The following LRRC41 variants were observed in gnomAD, a reference collection of about 807,000 sequenced individuals.
The protein encoded by LRRC41 is leucine rich repeat containing 41.
LRRC41 carries 17 observed loss-of-function variants against 72.1 expected under a neutral mutation model. The ratio of observed to expected loss-of-function variants is 0.24; its 90% confidence interval spans 0.16 to 0.35. The LOEUF is 0.35. LRRC41 is among the 10% of genes least tolerant of loss of function. LRRC41 has a pLI of 1.00. For missense variants in LRRC41, 759 were observed against 1,065.0 expected (o/e 0.71, Z 4.00); for synonymous variants, 427 against 431.0 (o/e 0.99, Z 0.11).
chr1:46,278,344 C>A lies in LRRC41; in HGVS notation c.*521G>T. The A allele has an allele frequency of 6.7e-7, 1 of 1,498,184 alleles. No individual in the cohort carries two copies. The highest frequency in any genetic ancestry group is 1.2e-5 in the South Asian group (1 of 83,224). The allele number at this position is 1,498,184 out of a possible 1,614,324, so 92.8% of individuals were successfully genotyped here. A position where few individuals can be genotyped will look rare whatever the true frequency, so the allele number is the denominator to read the frequency against. ...AGATAGGGAAAAGGGGCTCCTTGCT[C>A]CACAGGGCCCTGTTGAATTTTGTTC... On this transcript the variant is annotated 3_prime_UTR_variant, in exon 10 of 10. Transcript: ENST00000617190.
At chr1:46,283,389 T>C (rs1383231034) in intron 4 of LRRC41, among the ~76,000 whole-genome samples, 1 of 152,068 alleles carries the variant, frequency 6.6e-6, no homozygotes, top group East Asian at 1.9e-4. Flanking sequence ...GAGGCCGAGG[T>C]TGGTGGATCA....
intron 1 of LRRC41, 64 bp downstream of exon 1, chr1:46,303,060 G>A: frequency 2.3e-6 from 3 of 1,324,502 alleles, no homozygotes; most frequent in Non-Finnish European, 2.9e-6. Flanking sequence ...CGCCCCCCGC[G>A]CCCCCCGGCC....
At chr1:46,287,703 C>T (rs1195683044) in intron 3 of LRRC41, among the ~76,000 whole-genome samples, 2 of 152,094 alleles carry the variant, frequency 1.3e-5, no homozygotes, top group African/African-American at 2.4e-5. Flanking sequence ...AATTAGACTT[C>T]CTGAAAGAAC....
At chr1:46,294,749 C>G (rs930362900) in intron 3 of LRRC41, among the ~76,000 whole-genome samples, 1 of 151,964 alleles carries the variant, frequency 6.6e-6, no homozygotes. Flanking sequence ...CACGTGCCAC[C>G]ACGCCCAGCT....
At chr1:46,292,915 G>A (rs1034780134) in intron 3 of LRRC41, among the ~76,000 whole-genome samples, 3 of 152,196 alleles carry the variant, frequency 2.0e-5, no homozygotes, top group Non-Finnish European at 2.9e-5. Context: ...GCTGGGCACG[G>A]TGGCTCACGC....
intron 3 of LRRC41, among the ~76,000 whole-genome samples, chr1:46,294,045 G>A (rs1393438074): frequency 6.6e-6 from 1 of 152,054 alleles, no homozygotes; most frequent in African/African-American, 2.4e-5. Context: ...ACAGGTGTGA[G>A]CCACCACACC....
In LRRC41 at chr1:46,278,619, C is replaced by T. The variant is rs28363249; in HGVS notation, c.*246G>A. The T allele has an allele frequency of 3.2e-3, 1,945 of 607,364 alleles. 3 individuals carry two copies. The highest frequency in any genetic ancestry group is 4.5e-3 in the Non-Finnish European group (1,546 of 345,756). 37.6% of individuals were successfully genotyped at this position (607,364 alleles called of 1,614,324 possible). The stretch of plus-strand genomic sequence containing the variant: ...CAGCAATTATGATGACCACTGTAAC[C>T]TCCTGGCCCAGGGTTCCCAGGATAC... On this transcript the variant is annotated 3_prime_UTR_variant, in exon 10 of 10. Transcript: ENST00000617190.
rs2148309749 is a variant in LRRC41 at position 46,278,503 on chromosome 1, G to A, written c.*362C>T. The A allele has an allele frequency of 1.5e-6, 1 of 649,802 alleles. No individual in the cohort carries two copies. The highest frequency in any genetic ancestry group is 2.8e-5 in the Admixed American group (1 of 35,294). 40.3% of individuals were successfully genotyped at this position (649,802 alleles called of 1,614,324 possible). On this transcript the variant is annotated 3_prime_UTR_variant, in exon 10 of 10. Coordinates refer to ENST00000617190, the MANE Select transcript of LRRC41 (RefSeq NM_006369.5). ...GCCTGAGAGCAGTGTGGTAAGCCCA[G>A]CAGGGAAGAAGCCCCCTATACTTCT...
At chr1:46,291,922 G>A (rs957408119) in intron 3 of LRRC41, among the ~76,000 whole-genome samples, 10 of 152,056 alleles carry the variant, frequency 6.6e-5, no homozygotes, top group Admixed American at 5.2e-4. Flanking sequence ...TGCTATTATA[G>A]TTCACTGCAG....
intron 1 of LRRC41, among the ~76,000 whole-genome samples, chr1:46,301,088 G>A (rs1661212866): frequency 6.6e-6 from 1 of 152,046 alleles, no homozygotes; most frequent in Non-Finnish European, 1.5e-5. Context: ...ACGGGAAGAA[G>A]TTCCTCCAGA....
At chr1:46,298,248 AATC>A (rs1361618311) in intron 2 of LRRC41, 33 bp downstream of exon 2, 1 of 1,411,562 alleles carries the variant, frequency 7.1e-7, no homozygotes, top group Non-Finnish European at 9.9e-7. Context: ...CCTTGCTCAT[AATC>A]ATTGACTGAG....
intron 3 of LRRC41, among the ~76,000 whole-genome samples, chr1:46,295,313 A>G (rs1661100378): frequency 6.6e-6 from 1 of 151,938 alleles, no homozygotes; most frequent in East Asian, 1.9e-4. Flanking sequence ...CACCTGCCTC[A>G]GCCTCCCAAA....
At position 46,285,792 on chromosome 1, in the gene LRRC41, C is replaced by T. The variant is rs2148316426; in HGVS notation, c.1065G>A (p.Lys355=). Residue 355 remains lysine (K), a synonymous_variant, in exon 4 of 10, where the codon AAG becomes AAA. Transcript: ENST00000617190. The surrounding 1 kb of genome is among the most constrained non-coding windows in gnomAD (Gnocchi z 5.3). ...TGGCTGCTGGAGCAGAAGGTGACCG[C>T]TTGGTGCCAGGAGCCTCATGGGAGG... ...PATSHEAPGT[K]RSPSAPAATS... 1 of 1,594,646 alleles carries T rather than the reference C, an allele frequency of 6.3e-7. No homozygotes were observed. The highest frequency in any genetic ancestry group is 1.3e-5 in the African/African-American group (1 of 74,198).
chr1:46,280,093 A>T, intron 7 of LRRC41, 99 bp downstream of exon 7: 1 of 895,004 alleles, frequency 1.1e-6, no homozygotes, highest in African/African-American at 1.6e-5. Flanking sequence ...ATAGCTGAGG[A>T]CACAAGGCCA....
At chr1:46,300,575 T>G (rs1313132542) in intron 1 of LRRC41, 1 of 152,302 alleles carries the variant, frequency 6.6e-6, no homozygotes, top group African/African-American at 2.4e-5. Context: ...TCTCCTTCAC[T>G]TCAGTCTCCA....
Position 46,281,169 on chromosome 1 carries a change from T to A in LRRC41, c.1712A>T (p.Asn571Ile), listed in dbSNP as rs747656603. Reference sequence around the variant, plus strand: ...TATTATGTGGCTAGGGGGCCCTGCATTCCCTGGCACACCAGGGTTGTCCCG... The same window carrying A: ...TATTATGTGGCTAGGGGGCCCTGCAATCCCTGGCACACCAGGGTTGTCCCG... The part of the protein sequence containing the change: ...SQRDNPGVPG[N>I]AGPPSHIIGD... Residue 571 changes from asparagine to isoleucine, a missense_variant, in exon 5 of 10, where the codon AAT (asparagine) becomes ATT (isoleucine). Physicochemically the swap from Asn to Ile is moderately radical, Grantham distance 149 (BLOSUM62 -3). Around this residue, in one of 4 missense-constraint regions of LRRC41, gnomAD observed 427 missense variants for 520.9 expected, o/e 0.82. Transcript: ENST00000617190. 9 of 1,614,136 alleles carry A rather than the reference T, an allele frequency of 5.6e-6. No homozygotes were observed. Among genetic ancestry groups the A allele is most frequent in the Non-Finnish European group, 7.6e-6 (9 of 1,179,970 alleles).
intron 3 of LRRC41, among the ~76,000 whole-genome samples, chr1:46,291,962 C>T (rs184896303): frequency 1.3e-5 from 2 of 151,354 alleles, no homozygotes; most frequent in East Asian, 3.9e-4. Flanking sequence ...AGTGATCCTC[C>T]CACCTTAGCT....
intron 3 of LRRC41, among the ~76,000 whole-genome samples, chr1:46,288,043 T>A (rs1557715642): frequency 6.6e-6 from 1 of 152,222 alleles, no homozygotes; most frequent in Non-Finnish European, 1.5e-5. Context: ...TTGGTGCACA[T>A]CAGAATTCCC....
Position 46,286,279 on chromosome 1 carries a change from C to T in LRRC41, c.578G>A (p.Ser193Asn). 6.2e-7 allele frequency: 1 copy of T among 1,614,228 alleles called. No individual in the cohort carries two copies. Among genetic ancestry groups the T allele is most frequent in the Non-Finnish European group, 8.5e-7 (1 of 1,180,044 alleles). ...GCGGAACTTGAGAGTGTGCAGGGAGCTGGCCAGGGTCTCCAGAACCCTGCG... is the reference window on the plus strand; with the variant it reads ...GCGGAACTTGAGAGTGTGCAGGGAGTTGGCCAGGGTCTCCAGAACCCTGCG... ...PNRRVLETLA[S>N]SLHTLKFRHL... is the part of the protein sequence containing the mutation. The change falls in exon 4 of 10, where the codon AGC (serine) becomes AAC (asparagine). Residue 193 changes from serine (S) to asparagine (N), a missense_variant. By Grantham distance (46) the Ser-to-Asn change is conservative. Around this residue, in one of 4 missense-constraint regions of LRRC41, gnomAD observed 116 missense variants for 250.9 expected, o/e 0.46. Transcript: ENST00000617190. This position sits in a 1 kb window ranked among gnomAD's most constrained non-coding sequence, Gnocchi z 5.5.
Sources: allele counts gnomAD v4.1 joint callset (sites outside exome capture counted in the v4.1 genomes callset), GRCh38; gene constraint gnomAD v4.1.1; regional missense constraint gnomAD v4.1.1; non-coding constraint Gnocchi (gnomAD v3.1); transcripts MANE v1.5; gene names NCBI Gene and HGNC (gene_info 2026-07-23, HGNC 2026-07-21).